FBXO3: variants seen among roughly 807,000 people sequenced by gnomAD.
FBXO3 encodes the protein F-box only protein 3.
FBXO3 carries 17 observed loss-of-function variants against 64.8 expected under a neutral mutation model. The observed-to-expected ratio is 0.26, with a 90% CI of 0.18 to 0.39. FBXO3 has a LOEUF of 0.39. Among genes scored for constraint, FBXO3 ranks in the 10% least tolerant of loss-of-function variants. The pLI is 1.00. For synonymous variants in FBXO3, 182 were observed against 201.6 expected, an observed-to-expected ratio of 0.90 and a Z score of 0.82; for missense variants, 420 against 589.9, an observed-to-expected ratio of 0.71 and a Z score of 2.98.
chr11:33,771,086 C>G, intron 1 of FBXO3: 1 of 323,598 alleles, frequency 3.1e-6, no homozygotes, highest in Non-Finnish European at 5.9e-6. Flanking sequence ...AAAATATCTA[C>G]AGACCATATA....
intron 3 of FBXO3, among the ~76,000 whole-genome samples, chr11:33,764,181 G>A (rs760588265): frequency 2.0e-5 from 3 of 152,176 alleles, no homozygotes; most frequent in Non-Finnish European, 2.9e-5. Flanking sequence ...CTATACTGCA[G>A]CCAAAATGAA....
chr11:33,762,754 T>A, intron 3 of FBXO3, among the ~76,000 whole-genome samples: 1 of 149,114 alleles, frequency 6.7e-6, no homozygotes, highest in African/African-American at 2.4e-5. Flanking sequence ...CACAGTAAAT[T>A]CAAAGCGAAG....
At chr11:33,757,656 T>TAAAAAAACAAAAAAAAAAA (rs1855137130) in intron 4 of FBXO3, among the ~76,000 whole-genome samples, 1 of 23,980 alleles carries the variant, frequency 4.2e-5, no homozygotes, top group Non-Finnish European at 8.0e-5. Flanking sequence ...CACCATCTCT[T>TAAAAAAACAAAAAAAAAAA]AAAAAAAAAA....
intron 8 of FBXO3, among the ~76,000 whole-genome samples, chr11:33,749,758 G>C (rs180892276): frequency 3.0e-4 from 45 of 152,240 alleles, no homozygotes; most frequent in African/African-American, 9.4e-4. Flanking sequence ...TACCCTATAA[G>C]TATGTGTTGG....
intron 2 of FBXO3, among the ~76,000 whole-genome samples, chr11:33,770,299 A>G (rs1018705758): frequency 6.6e-6 from 1 of 152,340 alleles, no homozygotes; most frequent in African/African-American, 2.4e-5. Context: ...CTAAGAAAAG[A>G]TATCAGCATT....
At chr11:33,749,001 T>G (rs1854886297) in intron 8 of FBXO3, 109 bp from the exon 9 acceptor site, 1 of 538,238 alleles carries the variant, frequency 1.9e-6, no homozygotes, top group Non-Finnish European at 3.2e-6. Context: ...TCCAAAAAAT[T>G]AAGAAACCCA....
At chr11:33,757,656 TAAAAAAAAAAAA>T (rs1170445394) in intron 4 of FBXO3, among the ~76,000 whole-genome samples, 1 of 23,980 alleles carries the variant, frequency 4.2e-5, no homozygotes, top group African/African-American at 1.6e-4. Context: ...CACCATCTCT[TAAAAAAAAAAAA>T]AAAAAAAAAA....
intron 9 of FBXO3, among the ~76,000 whole-genome samples, chr11:33,748,227 GT>G (rs1341080509): frequency 3.3e-5 from 5 of 152,154 alleles, no homozygotes; most frequent in Non-Finnish European, 7.4e-5. Context: ...AAGTAAACAT[GT>G]AGATCTATCC....
At chr11:33,747,988 A>C (rs187148089) in intron 9 of FBXO3, among the ~76,000 whole-genome samples, 1 of 152,316 alleles carries the variant, frequency 6.6e-6, no homozygotes, top group East Asian at 1.9e-4. Flanking sequence ...ACACCAGTTC[A>C]AACAAAGATA....
At position 33,757,656 on chromosome 11, in the gene FBXO3, T is replaced by TAAAAAAAAAAAAAAAAAAA. The variant is rs1170445394; in HGVS notation, c.473+812_473+830dup. Among the ~76,000 whole-genome samples the TAAAAAAAAAAAAAAAAAAA allele has an allele frequency of 7.9e-4, 19 of 23,980 alleles. 5 individuals are homozygous for TAAAAAAAAAAAAAAAAAAA. Among genetic ancestry groups the TAAAAAAAAAAAAAAAAAAA allele is most frequent in the Non-Finnish European group, 1.0e-3 (13 of 12,524 alleles). 15.7% of individuals were successfully genotyped at this position (23,980 alleles called of 152,430 possible). On this transcript the variant is annotated intron_variant, in intron 4 of 10. Coordinates refer to ENST00000265651, the MANE Select transcript of FBXO3 (RefSeq NM_012175.4). ...GGCAACACACCAAGACACCATCTCT[T>TAAAAAAAAAAAAAAAAAAA]AAAAAAAAAAAAAAAAAAAAAAAAA...
chr11:33,751,411 T>TAG, intron 7 of FBXO3, 112 bp downstream of exon 7: 2 of 688,806 alleles, frequency 2.9e-6, no homozygotes, highest in Non-Finnish European at 5.0e-6. Context: ...TCAACCTCAA[T>TAG]AGAGAGGTTC....
At chr11:33,764,594 G>A (rs76997034) in intron 3 of FBXO3, among the ~76,000 whole-genome samples, 3,415 of 152,112 alleles carry the variant, frequency 0.022, 65 homozygotes, top group Non-Finnish European at 0.039. Context: ...CTAATCATCC[G>A]TAAAATATCA....
At chr11:33,742,645 G>A (rs942803389) in intron 10 of FBXO3, 1 of 152,078 alleles carries the variant, frequency 6.6e-6, no homozygotes, top group African/African-American at 2.4e-5. Flanking sequence ...CAGAAAAGAG[G>A]ATATGAAAAT....
intron 3 of FBXO3, among the ~76,000 whole-genome samples, chr11:33,760,283 T>C (rs1388890262): frequency 6.6e-6 from 1 of 152,114 alleles, no homozygotes; most frequent in Non-Finnish European, 1.5e-5. Flanking sequence ...GTGTAGTGGG[T>C]GCAGTGAGGG....
chr11:33,771,372 A>G (rs1855506829), intron 1 of FBXO3: 1 of 152,280 alleles, frequency 6.6e-6, no homozygotes, highest in Non-Finnish European at 1.5e-5. Context: ...CTGAATCGTA[A>G]CAGTTCTGAC....
chr11:33,754,305 T>A lies in FBXO3; in HGVS notation c.724+150A>T, dbSNP rs766474367. ...AAAACGGTTCTAATGAAAACCTAGA[T>A]GCAGTACTTTATAAACCAGCAAACC... On this transcript the variant is annotated intron_variant, in intron 6 of 10. Coordinates refer to ENST00000265651, the MANE Select transcript of FBXO3 (RefSeq NM_012175.4). 6.7e-6 allele frequency: 4 copies of A among 596,096 alleles called. No individual in the cohort carries two copies. The African/African-American group carries it at 7.7e-5, about 11-fold the overall frequency. The allele number at this position is 596,096 out of a possible 1,614,324, so 36.9% of individuals were successfully genotyped here. A position where few individuals can be genotyped will look rare whatever the true frequency, so the allele number is the denominator to read the frequency against.
chr11:33,746,949 C>T, intron 10 of FBXO3, 181 bp downstream of exon 10: 1 of 1,453,836 alleles, frequency 6.9e-7, no homozygotes, highest in Non-Finnish European at 9.0e-7. Flanking sequence ...TGGTTAGAGA[C>T]TATGGAGCCT....
rs570768230 is a variant in FBXO3, at chr11:33,759,755, G to A, written c.359-1154C>T. Among the ~76,000 whole-genome samples the A allele has an allele frequency of 8.9e-5, 12 of 135,310 alleles. No homozygotes were observed. In the East Asian group the frequency reaches 1.6e-3, roughly 18 times the overall value. The allele number at this position is 135,310 out of a possible 152,430, so 88.8% of individuals were successfully genotyped here. ...AATAGAACCAAATCCATAATACATC[G>A]TTATTGGAGTTAGTAAACATGGACT... On this transcript the variant is annotated intron_variant, in intron 3 of 10. Coordinates refer to ENST00000265651, the MANE Select transcript of FBXO3 (RefSeq NM_012175.4).
At position 33,770,820 on chromosome 11, in the gene FBXO3, C is replaced by T; in HGVS notation, c.115G>A (p.Val39Ile). The T allele has an allele frequency of 6.2e-7, 1 of 1,602,380 alleles. No individual in the cohort carries two copies. The change falls in exon 2 of 11, where the codon GTC becomes ATC. Residue 39 changes from valine (V) to isoleucine (I), a missense_variant. This residue lies in a region of FBXO3 where 337 missense variants were observed against 518.4 expected (regional missense o/e 0.65). Coordinates refer to ENST00000265651, the MANE Select transcript of FBXO3 (RefSeq NM_012175.4). The part of the protein sequence containing the change: ...DYRDLINCCY[V>I]SRRLSQLSSH... Reference sequence around the variant, plus strand: ...GATAGCTGGCTAAGTCTTCGACTGACATAACAACAGCTGGCAGTAACCAGA... The same window carrying T: ...GATAGCTGGCTAAGTCTTCGACTGATATAACAACAGCTGGCAGTAACCAGA...
Sources: allele counts gnomAD v4.1 joint callset (sites outside exome capture counted in the v4.1 genomes callset), GRCh38; gene constraint gnomAD v4.1.1; regional missense constraint gnomAD v4.1.1; transcripts MANE v1.5; gene names NCBI Gene and HGNC (gene_info 2026-07-23, HGNC 2026-07-21).